Variants in ELF4 observed in about 807,000 individuals in gnomAD.
ELF4 encodes ETS-related transcription factor Elf-4.
A neutral mutation model predicts 31.7 loss-of-function variants in ELF4; 10 were observed. That is an observed-to-expected ratio of 0.32 (90% CI 0.19 to 0.54). The LOEUF is 0.54. Among genes scored for constraint, ELF4 ranks in the 20% least tolerant of loss-of-function variants. The pLI, the probability that ELF4 is intolerant of heterozygous loss-of-function variation, is 0.95. For synonymous variants in ELF4, 208 were observed against 226.7 expected (o/e 0.92, Z 0.74); for missense variants, 418 against 522.0 (o/e 0.80, Z 1.94).
Position 130,071,392 on chromosome X carries a change from G to T in ELF4, c.560C>A (p.Thr187Asn), listed in dbSNP as rs137884184. The T allele has an allele frequency of 1.1e-4, 130 of 1,210,283 alleles. No homozygotes were observed. Among genetic ancestry groups the T allele is most frequent in the Admixed American group, 1.7e-4 (8 of 45,837 alleles). ...RIRKTKGNRSTSPVTDPSIPI... is the reference protein window; with the variant it reads ...RIRKTKGNRSNSPVTDPSIPI... ...GATGCTGGGGTCAGTGACAGGTGAGGTACTTCGGTTGCCCTTGGTCTTCCG... is the reference window on the plus strand; with the variant it reads ...GATGCTGGGGTCAGTGACAGGTGAGTTACTTCGGTTGCCCTTGGTCTTCCG... Residue 187 changes from threonine (T) to asparagine (N), a missense_variant, in exon 6 of 9, where the codon ACC (threonine) becomes AAC (asparagine). Thr to Asn is a moderately conservative substitution (Grantham distance 65). Coordinates refer to ENST00000308167, the MANE Select transcript of ELF4 (RefSeq NM_001421.4).
At chrX:130,085,906 T>C (rs963754308) in intron 1 of ELF4, among the ~76,000 whole-genome samples, 2 of 112,022 alleles carry the variant, frequency 1.8e-5, no homozygotes, top group African/African-American at 3.2e-5. Flanking sequence ...CTCAGGCGAA[T>C]AGTCATCAAG....
intron 1 of ELF4, among the ~76,000 whole-genome samples, chrX:130,085,220 C>G (rs1932944111): frequency 8.9e-6 from 1 of 112,059 alleles, no homozygotes. Context: ...CTCCCAGCGC[C>G]TGTCTTACTT....
intron 1 of ELF4, among the ~76,000 whole-genome samples, chrX:130,091,774 C>T (rs1014748702): frequency 1.8e-5 from 2 of 111,760 alleles, no homozygotes; most frequent in South Asian, 3.7e-4. Context: ...TTGTGTGCCT[C>T]GGTTACCTCA....
intron 3 of ELF4, 41 bp from the exon 4 acceptor site, chrX:130,074,182 C>T (rs1429271955): frequency 1.7e-6 from 2 of 1,167,962 alleles, no homozygotes; most frequent in African/African-American, 1.8e-5. Context: ...AGAAAAGTTC[C>T]CTCAGGGCAC....
At chrX:130,070,836 C>A (rs1932781070) in intron 7 of ELF4, among the ~76,000 whole-genome samples, 1 of 105,879 alleles carries the variant, frequency 9.4e-6, no homozygotes, top group Non-Finnish European at 1.9e-5. Flanking sequence ...AGAAAAAAGG[C>A]CAGGTCAGAT....
intron 1 of ELF4, among the ~76,000 whole-genome samples, chrX:130,100,508 C>G (rs1241776610): frequency 8.9e-6 from 1 of 111,894 alleles, no homozygotes; most frequent in Non-Finnish European, 1.9e-5. Context: ...AGGGAACATT[C>G]CAGGCTCATT....
In ELF4 at chrX:130,067,094, G is replaced by A. The variant is rs1243152103; in HGVS notation, c.1619C>T (p.Pro540Leu). 8.3e-7 allele frequency: 1 copy of A among 1,206,509 alleles called. No individual in the cohort carries two copies. Among genetic ancestry groups the A allele is most frequent in the East Asian group, 3.0e-5 (1 of 33,690 alleles). Residue 540 changes from proline (P) to leucine (L), a missense_variant, in exon 9 of 9, where the codon CCA (proline) becomes CTA (leucine). By Grantham distance (98) the Pro-to-Leu change is moderately conservative. Around this residue, in one of 4 missense-constraint regions of ELF4, gnomAD observed 260 missense variants for 269.2 expected, o/e 0.97. Transcript: ENST00000308167. ...TTAAPRVKEG[P>L]LRSSSYVQGM... ...CTGAACATAGGAGGAGGACCTCAGTGGCCCCTCCTTGACCCTAGGGGCTGC... is the reference window on the plus strand; with the variant it reads ...CTGAACATAGGAGGAGGACCTCAGTAGCCCCTCCTTGACCCTAGGGGCTGC...
intron 1 of ELF4, among the ~76,000 whole-genome samples, chrX:130,102,452 G>T (rs769370441): frequency 9.0e-6 from 1 of 111,223 alleles, no homozygotes; most frequent in East Asian, 2.8e-4. Context: ...ATAGACAATG[G>T]TAGTAGACTG....
In ELF4 at chrX:130,102,922, G is replaced by GAA. The variant is rs1193173312; in HGVS notation, c.-210+7402_-210+7403insTT. Among the ~76,000 whole-genome samples, 195 of 94,711 alleles carry GAA rather than the reference G, an allele frequency of 2.1e-3. 3 individuals carry two copies. The highest frequency in any genetic ancestry group is 7.5e-3 in the African/African-American group (158 of 20,972). 82.2% of individuals were successfully genotyped at this position (94,711 alleles called of 115,157 possible). ...AGAAAGAAAGAAAGAAAGAAAGAAA[G>GAA]AGAGAGAAGGAGGGAGGGAGGAAGG... On this transcript the variant is annotated intron_variant, in intron 1 of 8. Coordinates refer to ENST00000308167, the MANE Select transcript of ELF4 (RefSeq NM_001421.4).
intron 1 of ELF4, among the ~76,000 whole-genome samples, chrX:130,086,175 G>C (rs180747836): frequency 8.9e-6 from 1 of 112,145 alleles, no homozygotes; most frequent in Non-Finnish European, 1.9e-5. Context: ...CTTTCTACCA[G>C]CCACTCCATT....
chrX:130,069,707 T>G (rs1486792507), intron 7 of ELF4, 30 bp from the exon 8 acceptor site: 1 of 1,208,456 alleles, frequency 8.3e-7, no homozygotes, highest in Non-Finnish European at 1.1e-6. Context: ...GAGTTGGGAG[T>G]TAGCCGGGAG....
chrX:130,068,262 G>C (rs1932734780), intron 8 of ELF4, among the ~76,000 whole-genome samples: 1 of 112,599 alleles, frequency 8.9e-6, no homozygotes, highest in South Asian at 3.6e-4. Flanking sequence ...GTGAGGCACA[G>C]AGAGGTTATG....
intron 8 of ELF4, among the ~76,000 whole-genome samples, chrX:130,068,434 C>G (rs1224143429): frequency 8.9e-6 from 1 of 111,993 alleles, no homozygotes; most frequent in Non-Finnish European, 1.9e-5. Context: ...ACAACTAGGT[C>G]TTGTGATCCC....
At chrX:130,087,608 T>C (rs1932980984) in intron 1 of ELF4, among the ~76,000 whole-genome samples, 1 of 111,826 alleles carries the variant, frequency 8.9e-6, no homozygotes, top group Non-Finnish European at 1.9e-5. Context: ...GCTGGGATTA[T>C]AGGTGTGTGC....
At chrX:130,106,176 A>G (rs1011638909) in intron 1 of ELF4, among the ~76,000 whole-genome samples, 4 of 102,512 alleles carry the variant, frequency 3.9e-5, no homozygotes, top group African/African-American at 1.1e-4. Context: ...GGTCTAGCCT[A>G]GGCCCGCATC....
At chrX:130,069,149 G>A (rs1932753256) in intron 8 of ELF4, 151 bp downstream of exon 8, 13 of 776,172 alleles carry the variant, frequency 1.7e-5, no homozygotes, top group Admixed American at 1.3e-4. Flanking sequence ...ACTTGAATCC[G>A]AGAGGCGGAA....
intron 1 of ELF4, among the ~76,000 whole-genome samples, chrX:130,105,374 AC>A (rs1297812836): frequency 9.0e-6 from 1 of 111,059 alleles, no homozygotes; most frequent in African/African-American, 3.3e-5. Context: ...CGAGAAACTC[AC>A]CTTAGGGCAT....
chrX:130,104,318 A>ACACC (rs1199990922), intron 1 of ELF4, among the ~76,000 whole-genome samples: 2 of 105,301 alleles, frequency 1.9e-5, no homozygotes, highest in East Asian at 2.9e-4. Flanking sequence ...ACACACACAC[A>ACACC]CCTTCTATTA....
intron 1 of ELF4, among the ~76,000 whole-genome samples, chrX:130,084,872 C>T (rs769653088): frequency 8.9e-6 from 1 of 112,309 alleles, no homozygotes; most frequent in Non-Finnish European, 1.9e-5. Context: ...CCCAGGAACC[C>T]GAAACCAAAG....
Sources: gnomAD v4.1 joint callset for allele counts (sites outside exome capture counted in the v4.1 genomes callset) on GRCh38, gnomAD v4.1.1 for gene constraint, gnomAD v4.1.1 regional missense constraint, MANE v1.5 for transcripts, NCBI Gene and HGNC (gene_info 2026-07-23, HGNC 2026-07-21) for gene names.